The following NAALADL2 variants were observed in gnomAD, a reference collection of about 807,000 sequenced individuals.
NAALADL2 encodes N-acetylated alpha-linked acidic dipeptidase like 2.
In NAALADL2, 76 loss-of-function variants were observed where a neutral mutation model predicts 87.2. The ratio of observed to expected loss-of-function variants is 0.87; its 90% CI spans 0.72 to 1.05. The LOEUF is 1.05. NAALADL2 is among the 50% of genes least tolerant of loss of function. The pLI is 0.00. For missense variants in NAALADL2, 1,089 were observed against 945.8 expected (o/e 1.15, Z -1.99); for synonymous variants, 354 against 331.0 (o/e 1.07, Z -0.75).
At chr3:175,080,004 C>T (rs1469400785) in intron 1 of NAALADL2, among the ~76,000 whole-genome samples, 4 of 148,802 alleles carry the variant, frequency 2.7e-5, no homozygotes, top group Non-Finnish European at 5.9e-5. Context: ...CTCTCTTTGT[C>T]ACCCAGGCTA....
At chr3:175,419,484 T>A (rs1182898169) in intron 5 of NAALADL2, among the ~76,000 whole-genome samples, 1 of 151,984 alleles carries the variant, frequency 6.6e-6, no homozygotes, top group African/African-American at 2.4e-5. Context: ...AAATCCTGCA[T>A]TGGAAGATTT....
At chr3:174,966,541 G>A (rs1447784793) in intron 1 of NAALADL2, among the ~76,000 whole-genome samples, 4 of 152,126 alleles carry the variant, frequency 2.6e-5, no homozygotes, top group East Asian at 1.9e-4. Context: ...TCTTGACTTC[G>A]ATGTAAGGAT....
intron 2 of NAALADL2, among the ~76,000 whole-genome samples, chr3:174,555,829 G>A (rs1028969210): frequency 6.6e-6 from 1 of 152,082 alleles, no homozygotes; most frequent in Admixed American, 6.5e-5. Flanking sequence ...AGTTCTCAGA[G>A]GAAAAGTGTG....
At chr3:175,602,482 C>T (rs5028092) in intron 10 of NAALADL2, among the ~76,000 whole-genome samples, 93 of 59,222 alleles carry the variant, frequency 1.6e-3, no homozygotes, top group Non-Finnish European at 3.7e-3. Context: ...AGAGAGAGAG[C>T]GAGCTAAATA....
At chr3:174,463,288 A>C (rs369678701) in intron 1 of NAALADL2, among the ~76,000 whole-genome samples, 18 of 152,174 alleles carry the variant, frequency 1.2e-4, no homozygotes, top group African/African-American at 3.4e-4. Context: ...CTATGTAGAA[A>C]GCCTTCCACT....
intron 5 of NAALADL2, among the ~76,000 whole-genome samples, chr3:175,369,002 G>A (rs1766077771): frequency 6.6e-6 from 1 of 152,148 alleles, no homozygotes; most frequent in Non-Finnish European, 1.5e-5. Flanking sequence ...GAGCAAATGT[G>A]AAGGCCTAAG....
intron 3 of NAALADL2, among the ~76,000 whole-genome samples, chr3:174,747,246 A>G (rs1480201587): frequency 6.6e-6 from 1 of 152,058 alleles, no homozygotes; most frequent in Non-Finnish European, 1.5e-5. Flanking sequence ...AGGCCAAACA[A>G]CCCCATCAGA....
rs116783637 is a variant in NAALADL2 at position 174,639,897 on chromosome 3, G to A, written c.-115+89260G>A. Among the ~76,000 whole-genome samples, 1,336 of 152,098 alleles carry A rather than the reference G, an allele frequency of 8.8e-3. 14 individuals carry two copies. The highest frequency in any genetic ancestry group is 0.013 in the Non-Finnish European group (881 of 68,010). On this transcript the variant is annotated intron_variant, in intron 2 of 3. Coordinates refer to the NAALADL2 transcript ENST00000434257. ...TACCACCTATATTAAATACTTAATCGAGTTTTTTTAAGCAACTCGAAAATT... is the reference window on the plus strand; with the variant it reads ...TACCACCTATATTAAATACTTAATCAAGTTTTTTTAAGCAACTCGAAAATT...
At chr3:175,116,076 C>T (rs77608266) in intron 2 of NAALADL2, among the ~76,000 whole-genome samples, 10,506 of 151,910 alleles carry the variant, frequency 0.069, 440 homozygotes, top group East Asian at 0.14. Flanking sequence ...ATTGATGGGA[C>T]GTGTCTCAAA....
At chr3:174,858,712 T>C (rs1338478907), upstream of NAALADL2, among the ~76,000 whole-genome samples, 1 of 151,872 alleles carries the variant, frequency 6.6e-6, no homozygotes, top group Admixed American at 6.6e-5. Flanking sequence ...AAATTAGAAA[T>C]TGTTTTTTGT....
intron 11 of NAALADL2, among the ~76,000 whole-genome samples, chr3:175,718,055 C>T (rs1397566195): frequency 3.3e-5 from 5 of 151,892 alleles, no homozygotes; most frequent in Middle Eastern, 3.4e-3. Context: ...GTATCATTTA[C>T]AGTATCTTAA....
chr3:175,181,462 C>T (rs374654756), intron 2 of NAALADL2, among the ~76,000 whole-genome samples: 2 of 151,614 alleles, frequency 1.3e-5, no homozygotes, highest in Admixed American at 6.6e-5. Context: ...TGATCGACAT[C>T]TCCCAATTCT....
At chr3:175,599,617 T>G (rs1279301562) in intron 10 of NAALADL2, among the ~76,000 whole-genome samples, 1 of 150,750 alleles carries the variant, frequency 6.6e-6, no homozygotes, top group Admixed American at 6.6e-5. Flanking sequence ...TTCAGGCTTC[T>G]TCATCCTCAC....
chr3:175,566,754 A>ATT (rs1224018586), intron 9 of NAALADL2, among the ~76,000 whole-genome samples: 1 of 152,002 alleles, frequency 6.6e-6, no homozygotes, highest in Non-Finnish European at 1.5e-5. Context: ...ATCTTCATTA[A>ATT]TTTTTTTATA....
At chr3:174,522,952 A>G (rs7645072) in intron 1 of NAALADL2, among the ~76,000 whole-genome samples, 5,284 of 149,430 alleles carry the variant, frequency 0.035, 332 homozygotes, top group African/African-American at 0.13. Flanking sequence ...AAAAAAAAAA[A>G]AAAAAGAAAA....
intron 2 of NAALADL2, among the ~76,000 whole-genome samples, chr3:174,580,347 G>GT (rs1215752707): frequency 2.6e-5 from 4 of 151,974 alleles, no homozygotes; most frequent in Non-Finnish European, 5.9e-5. Context: ...AGAAACAAAC[G>GT]TATGGCTAAG....
intron 2 of NAALADL2, among the ~76,000 whole-genome samples, chr3:175,116,731 AAACCAC>A (rs2108532228): frequency 7.5e-6 from 1 of 133,336 alleles, no homozygotes; most frequent in East Asian, 2.3e-4. Flanking sequence ...TGGAAAAACA[AAACCAC>A]AACAACAACA....
At chr3:175,309,834 A>T (rs1035681814) in intron 4 of NAALADL2, among the ~76,000 whole-genome samples, 2 of 152,186 alleles carry the variant, frequency 1.3e-5, no homozygotes, top group Non-Finnish European at 2.9e-5. Flanking sequence ...TGAATCTGCT[A>T]GTCATTTTCT....
chr3:174,853,876 A>G (rs1210570751), intron 3 of NAALADL2, among the ~76,000 whole-genome samples: 1 of 152,184 alleles, frequency 6.6e-6, no homozygotes, highest in Non-Finnish European at 1.5e-5. Flanking sequence ...GAGACTGACA[A>G]TAATGGATGC....
Sources: allele counts gnomAD v4.1 joint callset (sites outside exome capture counted in the v4.1 genomes callset), GRCh38; gene constraint gnomAD v4.1.1; transcripts MANE v1.5; gene names NCBI Gene and HGNC (gene_info 2026-07-23, HGNC 2026-07-21).